The following ITGB8 variants were observed in gnomAD, a reference collection of about 807,000 sequenced individuals.
ITGB8 encodes the protein integrin subunit beta 8.
ITGB8 carries 30 observed loss-of-function variants against 89.5 expected under a neutral mutation model. The observed-to-expected ratio is 0.34, with a 90% CI of 0.25 to 0.45. The LOEUF (loss-of-function observed/expected upper bound fraction) is 0.45. Ranked by LOEUF, ITGB8 falls within the 20% of genes least tolerant of loss-of-function variation. The probability of loss-of-function intolerance (pLI) is 1.00; values close to 1 mark genes in which losing one functional copy is unlikely to be tolerated. For synonymous variants in ITGB8, 335 were observed against 320.4 expected, an observed-to-expected ratio of 1.05 and a Z score of -0.49; for missense variants, 836 against 933.3, an observed-to-expected ratio of 0.90 and a Z score of 1.36.
rs995603387 is a variant in ITGB8 at position 20,410,086 on chromosome 7, A to C, written c.*89A>C. On this transcript the variant is annotated 3_prime_UTR_variant, in exon 14 of 14. Transcript: ENST00000222573. ...ATTTTAAAAGTCACAGGAGGAGACA[A>C]ATTGCTCACGGTCATGCCAGTTGCT... 1 of 1,350,540 alleles carries C rather than the reference A, an allele frequency of 7.4e-7. No individual in the cohort carries two copies. The highest frequency in any genetic ancestry group is 2.1e-5 in the Admixed American group (1 of 48,358). The allele number at this position is 1,350,540 out of a possible 1,614,324, so 83.7% of individuals were successfully genotyped here.
intron 1 of ITGB8, among the ~76,000 whole-genome samples, chr7:20,359,862 T>C (rs1301505454): frequency 9.2e-5 from 14 of 152,240 alleles, no homozygotes; most frequent in Admixed American, 9.2e-4. Flanking sequence ...TGCCAAAGTG[T>C]ATCTGGCATG....
In ITGB8 at chr7:20,408,590, G is replaced by T. The variant is rs192089292; in HGVS notation, c.2024-1025G>T. Among the ~76,000 whole-genome samples, 11 of 152,242 alleles carry T rather than the reference G, an allele frequency of 7.2e-5. No homozygotes were observed. The East Asian group carries it at 1.9e-3, about 27-fold the overall frequency. On this transcript the variant is annotated intron_variant, in intron 12 of 13. Transcript: ENST00000222573. ...CTCTCAGGGACACCTTGGAACTTTGGATGAGGTTCCCAAACTCTGGAGAGT... is the reference window on the plus strand; with the variant it reads ...CTCTCAGGGACACCTTGGAACTTTGTATGAGGTTCCCAAACTCTGGAGAGT...
In ITGB8 at chr7:20,371,767, C is replaced by T. The variant is rs12669917; in HGVS notation, c.388+4581C>T. ...TTATGCATGTATCTTTGTATATAAC[C>T]GCATATTTATTTAGCATGCATTCCT... On this transcript the variant is annotated intron_variant, in intron 3 of 13. Transcript: ENST00000222573. Among the ~76,000 whole-genome samples, 16 of 152,130 alleles carry T rather than the reference C, an allele frequency of 1.1e-4. No homozygotes were observed. The East Asian group carries it at 2.1e-3, about 20-fold the overall frequency.
intron 7 of ITGB8, among the ~76,000 whole-genome samples, chr7:20,393,419 A>G (rs1305428355): frequency 2.0e-5 from 3 of 152,168 alleles, no homozygotes; most frequent in East Asian, 1.9e-4. Flanking sequence ...TTTTTTATCA[A>G]TCACCTTTCA....
At chr7:20,380,484 A>C (rs1786333437) in intron 4 of ITGB8, 182 bp from the exon 5 acceptor site, 2 of 553,974 alleles carry the variant, frequency 3.6e-6, no homozygotes, top group Non-Finnish European at 6.3e-6. Context: ...CTATTTGCAA[A>C]GAAATTGTCA....
chr7:20,395,579 G>T (rs943344249), intron 8 of ITGB8, among the ~76,000 whole-genome samples: 1 of 152,202 alleles, frequency 6.6e-6, no homozygotes, highest in African/African-American at 2.4e-5. Context: ...TCAATGCAAA[G>T]AATTTAAAGA....
intron 3 of ITGB8, among the ~76,000 whole-genome samples, chr7:20,369,165 A>G (rs1158348724): frequency 6.6e-6 from 1 of 152,220 alleles, no homozygotes; most frequent in Non-Finnish European, 1.5e-5. Context: ...AGGATTTTCA[A>G]AACAGCAGAA....
rs919346730 is a variant in ITGB8, at chr7:20,395,323, G to A, written c.1146+338G>A. Among the ~76,000 whole-genome samples, 20 of 152,174 alleles carry A rather than the reference G, an allele frequency of 1.3e-4. No homozygotes were observed. The East Asian group carries it at 1.5e-3, about 12-fold the overall frequency. Reference sequence around the variant, plus strand: ...ATGAAATTGCGTCATTTCCTATGCCGTAATGATAAAGTAGAAGTCCACAGT... The same window carrying A: ...ATGAAATTGCGTCATTTCCTATGCCATAATGATAAAGTAGAAGTCCACAGT... On this transcript the variant is annotated intron_variant, in intron 8 of 13. Coordinates refer to ENST00000222573, the MANE Select transcript of ITGB8 (RefSeq NM_002214.3).
chr7:20,347,602 G>A (rs371608893), intron 1 of ITGB8, among the ~76,000 whole-genome samples: 3 of 152,298 alleles, frequency 2.0e-5, no homozygotes, highest in African/African-American at 7.2e-5. Context: ...GAATAGATGG[G>A]AAAATAATGT....
intron 10 of ITGB8, 61 bp downstream of exon 10, chr7:20,402,187 A>C: frequency 7.4e-7 from 1 of 1,355,244 alleles, no homozygotes. Flanking sequence ...ATAGATGTTA[A>C]AGTGTCTTTA....
Position 20,411,031 on chromosome 7 carries a change from TA to T in ITGB8, c.*1035del, listed in dbSNP as rs1365641914. 2 of 152,178 alleles carry T rather than the reference TA, an allele frequency of 1.3e-5. No individual in the cohort carries two copies. The highest frequency in any genetic ancestry group is 2.9e-5 in the Non-Finnish European group (2 of 68,046). 9.4% of individuals were successfully genotyped at this position (152,178 alleles called of 1,614,324 possible). A position where few individuals can be genotyped will look rare whatever the true frequency, so the allele number is the denominator to read the frequency against. ...GCATTTTTTAAATGAAAAGCTATAT[TA>T]TCTTCTCCCTTCAAGGCAGCCTAAG... On this transcript the variant is annotated 3_prime_UTR_variant, in exon 14 of 14. Coordinates refer to ENST00000222573, the MANE Select transcript of ITGB8 (RefSeq NM_002214.3).
rs1175930824 is a variant in ITGB8, at chr7:20,391,723, T to C, written c.1056+225T>C. Among the ~76,000 whole-genome samples, 3 of 152,196 alleles carry C rather than the reference T, an allele frequency of 2.0e-5. No homozygotes were observed. In the East Asian group the frequency reaches 5.8e-4, roughly 29 times the overall value. On this transcript the variant is annotated intron_variant, in intron 7 of 13. Coordinates refer to ENST00000222573, the MANE Select transcript of ITGB8 (RefSeq NM_002214.3). ...TAGAACCAAATCTGAGAACTGAGAA[T>C]TGTATTGGATACACTTGAGTCCAGC...
At chr7:20,386,995 G>T (rs1260225944) in intron 6 of ITGB8, among the ~76,000 whole-genome samples, 1 of 152,164 alleles carries the variant, frequency 6.6e-6, no homozygotes, top group Non-Finnish European at 1.5e-5. Context: ...TCAAACATCT[G>T]CAGGGCCAGG....
At chr7:20,375,292 G>A (rs1322200005) in intron 3 of ITGB8, among the ~76,000 whole-genome samples, 1 of 151,886 alleles carries the variant, frequency 6.6e-6, no homozygotes, top group African/African-American at 2.4e-5. Flanking sequence ...TATGTTTAGT[G>A]GTAAGAATTG....
At chr7:20,403,163 A>T (rs1020057827) in intron 10 of ITGB8, among the ~76,000 whole-genome samples, 5 of 152,214 alleles carry the variant, frequency 3.3e-5, no homozygotes, top group African/African-American at 1.2e-4. Flanking sequence ...ACATACATAG[A>T]ATATCTTAAT....
At position 20,331,894 on chromosome 7, in the gene ITGB8, G is replaced by C; in HGVS notation, c.88G>C (p.Ala30Pro). 1 of 1,614,204 alleles carries C rather than the reference G, an allele frequency of 6.2e-7. No homozygotes were observed. Among genetic ancestry groups the C allele is most frequent in the Non-Finnish European group, 8.5e-7 (1 of 1,180,048 alleles). The stretch of plus-strand genomic sequence containing the variant: ...AGGTCCCGCCTCGTTCCTCTGGGCA[G>C]CCTGGGTGTTTTCACTTGTTCTTGG... ...RRGPASFLWA[A>P]WVFSLVLGLG... Residue 30 changes from alanine (A) to proline (P), a missense_variant, in exon 1 of 14, where the codon GCC (alanine) becomes CCC (proline). Physicochemically the swap from Ala to Pro is conservative, Grantham distance 27 (BLOSUM62 -1). Around this residue, in one of 5 missense-constraint regions of ITGB8, gnomAD observed 182 missense variants for 177.0 expected, o/e 1.03. Coordinates refer to ENST00000222573, the MANE Select transcript of ITGB8 (RefSeq NM_002214.3).
chr7:20,410,095 C>T lies in ITGB8; in HGVS notation c.*98C>T, dbSNP rs752376364. Reference sequence around the variant, plus strand: ...GTCACAGGAGGAGACAAATTGCTCACGGTCATGCCAGTTGCTGGTTGTACA... The same window carrying T: ...GTCACAGGAGGAGACAAATTGCTCATGGTCATGCCAGTTGCTGGTTGTACA... On this transcript the variant is annotated 3_prime_UTR_variant, in exon 14 of 14. Coordinates refer to ENST00000222573, the MANE Select transcript of ITGB8 (RefSeq NM_002214.3). 79 of 1,228,452 alleles carry T rather than the reference C, an allele frequency of 6.4e-5. No individual in the cohort carries two copies. Among genetic ancestry groups the T allele is most frequent in the Admixed American group, 2.6e-4 (12 of 45,388 alleles). 76.1% of individuals were successfully genotyped at this position (1,228,452 alleles called of 1,614,324 possible). A position where few individuals can be genotyped will look rare whatever the true frequency, so the allele number is the denominator to read the frequency against.
At chr7:20,358,179 T>C (rs1248391606) in intron 1 of ITGB8, among the ~76,000 whole-genome samples, 1 of 152,006 alleles carries the variant, frequency 6.6e-6, no homozygotes, top group Non-Finnish European at 1.5e-5. Context: ...GATACCCACA[T>C]GGCTCGATCT....
At chr7:20,340,152 A>C (rs1171221884) in intron 1 of ITGB8, among the ~76,000 whole-genome samples, 4 of 152,242 alleles carry the variant, frequency 2.6e-5, no homozygotes, top group Admixed American at 6.5e-5. Context: ...GACGTGCGCT[A>C]TCTCTGCCTG....
Sources: allele counts gnomAD v4.1 joint callset (sites outside exome capture counted in the v4.1 genomes callset), GRCh38; gene constraint gnomAD v4.1.1; regional missense constraint gnomAD v4.1.1; transcripts MANE v1.5; gene names NCBI Gene and HGNC (gene_info 2026-07-23, HGNC 2026-07-21).